The following POU2AF2 variants were observed in gnomAD, a reference collection of about 807,000 sequenced individuals.
POU2AF2 encodes the protein POU domain class 2-associating factor 2.
the POU2AF2 span, among the ~76,000 whole-genome samples, chr11:111,261,037 C>A: frequency 6.6e-6 from 1 of 152,184 alleles, no homozygotes; most frequent in Non-Finnish European, 1.5e-5. Flanking sequence ...GAAAAAATAT[C>A]CCTTGCATCA....
chr11:111,276,848 T>C, the POU2AF2 span, among the ~76,000 whole-genome samples: 2 of 151,536 alleles, frequency 1.3e-5, no homozygotes, highest in South Asian at 4.2e-4. Context: ...TAAATAGAAA[T>C]TGAAAGAGTT....
chr11:111,270,793 G>A, the POU2AF2 span, among the ~76,000 whole-genome samples: 1 of 152,090 alleles, frequency 6.6e-6, no homozygotes, highest in East Asian at 1.9e-4. Flanking sequence ...AGCACCTATG[G>A]GAGAGTATCA....
the POU2AF2 span, among the ~76,000 whole-genome samples, chr11:111,264,139 C>A: frequency 2.0e-5 from 3 of 151,960 alleles, no homozygotes. Flanking sequence ...TTGAGTGTGA[C>A]CATCAGTAAA....
At chr11:111,280,057 A>AAAAAAAAAAATATATAT in the POU2AF2 span, among the ~76,000 whole-genome samples, 1 of 76,498 alleles carries the variant, frequency 1.3e-5, no homozygotes, top group Non-Finnish European at 2.5e-5. Context: ...AAAAAAAAAA[A>AAAAAAAAAAATATATAT]ATATATATAT....
chr11:111,246,716 T>G, the POU2AF2 span, among the ~76,000 whole-genome samples: 1 of 152,182 alleles, frequency 6.6e-6, no homozygotes, highest in Non-Finnish European at 1.5e-5. Flanking sequence ...TGTGTATACT[T>G]GAGATTCACA....
At chr11:111,275,240 C>G in the POU2AF2 span, among the ~76,000 whole-genome samples, 1 of 152,178 alleles carries the variant, frequency 6.6e-6, no homozygotes, top group African/African-American at 2.4e-5. Flanking sequence ...CACAACAAAA[C>G]TGGATCTTAC....
chr11:111,279,493 G>T, the POU2AF2 span, among the ~76,000 whole-genome samples: 1 of 152,178 alleles, frequency 6.6e-6, no homozygotes, highest in Non-Finnish European at 1.5e-5. Flanking sequence ...CCTCTTCCTA[G>T]CTGGCAGTTG....
chr11:111,276,705 T>C, the POU2AF2 span, among the ~76,000 whole-genome samples: 42 of 147,022 alleles, frequency 2.9e-4, no homozygotes, highest in African/African-American at 9.7e-4. Context: ...TCAACAGCAA[T>C]TGTGGAAGCT....
the POU2AF2 span, among the ~76,000 whole-genome samples, chr11:111,247,206 AG>A: frequency 1.1e-3 from 162 of 152,028 alleles, no homozygotes; most frequent in Admixed American, 2.9e-3. Flanking sequence ...AGAGAGAGAG[AG>A]AGAGAGAGAG....
chr11:111,284,146 TAAAC>T, the POU2AF2 span: 1 of 1,614,058 alleles, frequency 6.2e-7, no homozygotes. Flanking sequence ...TCCACAACAG[TAAAC>T]AGTTTTCAAA....
the POU2AF2 span, among the ~76,000 whole-genome samples, chr11:111,253,168 A>C: frequency 6.6e-6 from 1 of 152,128 alleles, no homozygotes; most frequent in Non-Finnish European, 1.5e-5. Context: ...CTCCTCTGAC[A>C]ACCATTCAAA....
the POU2AF2 span, chr11:111,285,752 T>G: frequency 2.2e-5 from 36 of 1,613,328 alleles, no homozygotes; most frequent in African/African-American, 3.9e-4. Flanking sequence ...GAGTTGCCTC[T>G]CCCAGCTTGA....
chr11:111,276,195 G>A, the POU2AF2 span, among the ~76,000 whole-genome samples: 1 of 151,838 alleles, frequency 6.6e-6, no homozygotes, highest in African/African-American at 2.4e-5. Context: ...AAAGAAATCT[G>A]CCTCTAGATA....
chr11:111,261,347 T>C, the POU2AF2 span, among the ~76,000 whole-genome samples: 1 of 152,134 alleles, frequency 6.6e-6, no homozygotes, highest in African/African-American at 2.4e-5. Context: ...AATTGAGTTC[T>C]ATAAAAGCTA....
the POU2AF2 span, among the ~76,000 whole-genome samples, chr11:111,251,314 T>C: frequency 6.6e-6 from 1 of 152,090 alleles, no homozygotes; most frequent in African/African-American, 2.4e-5. Context: ...GCTTCAGGAC[T>C]CAGTCACCAC....
the POU2AF2 span, chr11:111,281,401 A>G: frequency 6.2e-7 from 1 of 1,611,922 alleles, no homozygotes; most frequent in Non-Finnish European, 8.5e-7. Flanking sequence ...CTTCCAGGGC[A>G]GCGTCAGTTC....
chr11:111,271,856 C>CAA, the POU2AF2 span, among the ~76,000 whole-genome samples: 3 of 145,304 alleles, frequency 2.1e-5, no homozygotes, highest in African/African-American at 7.5e-5. Context: ...CTACTAAATA[C>CAA]AAAAAAAAAA....
the POU2AF2 span, among the ~76,000 whole-genome samples, chr11:111,267,497 T>C: frequency 6.6e-6 from 1 of 152,208 alleles, no homozygotes; most frequent in Non-Finnish European, 1.5e-5. Context: ...TGAAGCTTAC[T>C]CCCCTGGCAT....
the POU2AF2 span, among the ~76,000 whole-genome samples, chr11:111,261,993 G>T: frequency 3.0e-4 from 46 of 152,254 alleles, no homozygotes; most frequent in African/African-American, 1.1e-3. Flanking sequence ...TCCACACAGC[G>T]TGATTCTTGC....
Sources: allele counts gnomAD v4.1 joint callset (sites outside exome capture counted in the v4.1 genomes callset), GRCh38; gene constraint gnomAD v4.1.1; transcripts MANE v1.5; gene names NCBI Gene and HGNC (gene_info 2026-07-23, HGNC 2026-07-21).